The following LRRTM4 variants were observed in gnomAD, a reference collection of about 807,000 sequenced individuals.
The protein encoded by LRRTM4 is leucine-rich repeat transmembrane neuronal protein 4.
Under a neutral mutation model 47.6 loss-of-function variants are expected in LRRTM4, and 25 were observed. The observed-to-expected ratio is 0.53, with a 90% confidence interval of 0.38 to 0.73. The LOEUF (loss-of-function observed/expected upper bound fraction) is 0.73, where lower values mean the gene tolerates loss of function less well. Ranked by LOEUF, LRRTM4 falls within the 30% of genes least tolerant of loss-of-function variation. LRRTM4 has a pLI of 0.00. For synonymous variants in LRRTM4, 311 were observed against 269.5 expected, an observed-to-expected ratio of 1.15 and a Z score of -1.51; for missense variants, 638 against 713.4, an observed-to-expected ratio of 0.89 and a Z score of 1.20.
intron 3 of LRRTM4, among the ~76,000 whole-genome samples, chr2:76,822,897 T>C (rs902867417): frequency 2.0e-5 from 3 of 151,432 alleles, no homozygotes; most frequent in African/African-American, 7.3e-5. Flanking sequence ...GTCAAGACTT[T>C]ACCCATATAA....
At chr2:77,248,464 G>C (rs563605392) in intron 3 of LRRTM4, among the ~76,000 whole-genome samples, 1 of 152,192 alleles carries the variant, frequency 6.6e-6, no homozygotes, top group East Asian at 1.9e-4. Context: ...CAAGATGTCA[G>C]TTCTTCCCAA....
intron 3 of LRRTM4, among the ~76,000 whole-genome samples, chr2:77,452,868 T>A (rs1187199601): frequency 6.6e-6 from 1 of 152,104 alleles, no homozygotes. Context: ...AGCTGAAACA[T>A]ACATTTTCAT....
intron 3 of LRRTM4, among the ~76,000 whole-genome samples, chr2:76,778,894 A>AT (rs998624577): frequency 2.0e-5 from 3 of 151,668 alleles, no homozygotes; most frequent in African/African-American, 7.3e-5. Context: ...TTTTGTGGGC[A>AT]TTTAGTGCTA....
At position 77,042,093 on chromosome 2, in the gene LRRTM4, A is replaced by G. The variant is rs1410258230; in HGVS notation, c.1552-293177T>C. On this transcript the variant is annotated intron_variant, in intron 3 of 3. Coordinates refer to ENST00000409884, the MANE Select transcript of LRRTM4 (RefSeq NM_001134745.3). ...ATGTGAGGAAGAGTATTACTTGAAC[A>G]ATTGACAAATTCTGAATAAGGCCTA... 4.0e-5 allele frequency among the ~76,000 whole-genome samples: 6 copies of G among 151,524 alleles called. No individual in the cohort carries two copies. In the Admixed American group the frequency reaches 4.0e-4, roughly 10 times the overall value.
chr2:77,043,231 G>C (rs764850009), intron 3 of LRRTM4, among the ~76,000 whole-genome samples: 2 of 151,780 alleles, frequency 1.3e-5, no homozygotes, highest in African/African-American at 2.4e-5. Context: ...TTGCAGGTCA[G>C]AAGTTGCCTC....
intron 3 of LRRTM4, among the ~76,000 whole-genome samples, chr2:76,855,968 A>G (rs1389298385): frequency 6.6e-6 from 1 of 152,198 alleles, no homozygotes; most frequent in Non-Finnish European, 1.5e-5. Context: ...ACAGTCAGTC[A>G]CTCTGGCATT....
chr2:77,038,020 C>T (rs1231831754), intron 3 of LRRTM4, among the ~76,000 whole-genome samples: 1 of 151,622 alleles, frequency 6.6e-6, no homozygotes, highest in African/African-American at 2.4e-5. Context: ...CCTTGAATAA[C>T]CTATATAATT....
rs369795985 is a variant in LRRTM4 at position 77,088,604 on chromosome 2, C to T, written c.1552-339688G>A. Among the ~76,000 whole-genome samples the T allele has an allele frequency of 3.9e-5, 6 of 152,146 alleles. No individual in the cohort carries two copies. The South Asian group carries it at 1.2e-3, about 32-fold the overall frequency. On this transcript the variant is annotated intron_variant, in intron 3 of 3. Coordinates refer to ENST00000409884, the MANE Select transcript of LRRTM4 (RefSeq NM_001134745.3). ...CTTTTCGGACTCAGCCCGCCTGCACCCAGGTGAAATAAACAGCCATGTTGC... is the reference window on the plus strand; with the variant it reads ...CTTTTCGGACTCAGCCCGCCTGCACTCAGGTGAAATAAACAGCCATGTTGC...
At chr2:77,062,118 AC>A (rs1221447825) in intron 3 of LRRTM4, among the ~76,000 whole-genome samples, 1 of 152,076 alleles carries the variant, frequency 6.6e-6, no homozygotes, top group Non-Finnish European at 1.5e-5. Context: ...GATTGAATTA[AC>A]CCTTGGGAAA....
intron 3 of LRRTM4, among the ~76,000 whole-genome samples, chr2:77,319,556 T>C (rs1427758191): frequency 3.3e-5 from 5 of 152,196 alleles, no homozygotes; most frequent in Admixed American, 2.6e-4. Flanking sequence ...CCAGGGAGTT[T>C]TTGAATGCCT....
intron 3 of LRRTM4, among the ~76,000 whole-genome samples, chr2:77,205,327 G>A (rs1193478952): frequency 1.3e-5 from 2 of 152,140 alleles, no homozygotes; most frequent in South Asian, 2.1e-4. Context: ...GGAATGTACC[G>A]TGGAAGAAAA....
intron 3 of LRRTM4, among the ~76,000 whole-genome samples, chr2:76,995,743 T>C (rs1437632123): frequency 6.6e-6 from 1 of 152,018 alleles, no homozygotes; most frequent in African/African-American, 2.4e-5. Flanking sequence ...CTCTACAAGA[T>C]GTGAACTCTG....
chr2:77,351,153 T>C lies in LRRTM4; in HGVS notation c.1551+167165A>G, dbSNP rs563842608. ...GTTATCATCATTTAGCTCCCACTTATAAGTGAAAACATATAGTATTTGGTT... is the reference window on the plus strand; with the variant it reads ...GTTATCATCATTTAGCTCCCACTTACAAGTGAAAACATATAGTATTTGGTT... On this transcript the variant is annotated intron_variant, in intron 3 of 3. Coordinates refer to ENST00000409884, the MANE Select transcript of LRRTM4 (RefSeq NM_001134745.3). Among the ~76,000 whole-genome samples the C allele has an allele frequency of 6.1e-4, 93 of 152,100 alleles. 1 individual carries two copies. The highest frequency in any genetic ancestry group is 8.8e-4 in the Non-Finnish European group (60 of 68,028).
At chr2:77,456,879 T>C (rs1235673287) in intron 3 of LRRTM4, among the ~76,000 whole-genome samples, 1 of 150,252 alleles carries the variant, frequency 6.7e-6, no homozygotes, top group Non-Finnish European at 1.5e-5. Context: ...CTTCCAACTC[T>C]ACATTTCTTT....
intron 3 of LRRTM4, among the ~76,000 whole-genome samples, chr2:76,925,345 C>T (rs907215440): frequency 6.6e-6 from 1 of 152,110 alleles, no homozygotes; most frequent in African/African-American, 2.4e-5. Flanking sequence ...CTGGCAACAA[C>T]CTGAATGAGC....
rs921346071 is a variant in LRRTM4 at position 76,980,097 on chromosome 2, A to T, written c.1552-231181T>A. On this transcript the variant is annotated intron_variant, in intron 3 of 3. Transcript: ENST00000409884. Reference sequence around the variant, plus strand: ...AGACTATCTCTACATAACTAAAATTATAATACATAAACTAAAATATTACAA... The same window carrying T: ...AGACTATCTCTACATAACTAAAATTTTAATACATAAACTAAAATATTACAA... 1.2e-4 allele frequency among the ~76,000 whole-genome samples: 18 copies of T among 152,226 alleles called. 1 individual carries two copies. Among genetic ancestry groups the T allele is most frequent in the African/African-American group, 4.3e-4 (18 of 41,582 alleles).
chr2:77,032,482 C>T (rs890227808), intron 3 of LRRTM4, among the ~76,000 whole-genome samples: 6 of 152,004 alleles, frequency 3.9e-5, no homozygotes, highest in African/African-American at 1.4e-4. Flanking sequence ...GTTTTGTTCA[C>T]GTTGCCATCT....
At position 77,468,744 on chromosome 2, in the gene LRRTM4, C is replaced by A. The variant is rs906467604; in HGVS notation, c.1551+49574G>T. 5.3e-5 allele frequency among the ~76,000 whole-genome samples: 8 copies of A among 152,234 alleles called. No homozygotes were observed. In the East Asian group the frequency reaches 1.6e-3, roughly 30 times the overall value. On this transcript the variant is annotated intron_variant, in intron 3 of 3. Coordinates refer to ENST00000409884, the MANE Select transcript of LRRTM4 (RefSeq NM_001134745.3). ...ATACTACCCTGGCTCTCTCCCTGCT[C>A]TCCTCCTGGTGCCAGTGTCCTGGCC...
intron 3 of LRRTM4, among the ~76,000 whole-genome samples, chr2:77,081,077 T>C (rs967888843): frequency 1.4e-4 from 21 of 152,172 alleles, no homozygotes; most frequent in African/African-American, 5.1e-4. Flanking sequence ...TTATCACCTT[T>C]CTCTAGTCTT....
Sources: gnomAD v4.1 joint callset for allele counts (sites outside exome capture counted in the v4.1 genomes callset) on GRCh38, gnomAD v4.1.1 for gene constraint, MANE v1.5 for transcripts, NCBI Gene and HGNC (gene_info 2026-07-23, HGNC 2026-07-21) for gene names.